The following RIC1 variants were observed in gnomAD, a reference collection of about 807,000 sequenced individuals.
The protein encoded by RIC1 is RIC1 partner of RAB6A GEF complex.
A neutral mutation model predicts 169.0 loss-of-function variants in RIC1; 88 were observed. The ratio of observed to expected loss-of-function variants is 0.52; its 90% CI spans 0.44 to 0.62. RIC1 has a LOEUF of 0.62. Ranked by LOEUF, RIC1 falls within the 20% of genes least tolerant of loss-of-function variation. The pLI is 0.00. For missense variants in RIC1, 1,877 were observed against 1,725.5 expected (o/e 1.09, Z -1.56); for synonymous variants, 790 against 601.5 (o/e 1.31, Z -4.59).
At position 5,629,177 on chromosome 9, in the gene RIC1, G is replaced by A. The variant is rs964788300; in HGVS notation, c.-133G>A. The stretch of plus-strand genomic sequence containing the variant: ...GCGTCGGCCCGGCCCGGCCAGGCCA[G>A]CGGGCAGATGCCCCGAGCTGCCGCC... On this transcript the variant is annotated 5_prime_UTR_variant, in exon 1 of 26. Transcript: ENST00000414202. The A allele has an allele frequency of 5.7e-6, 5 of 884,584 alleles. No homozygotes were observed. In the African/African-American group the frequency reaches 7.1e-5, roughly 13 times the overall value. 54.8% of individuals were successfully genotyped at this position (884,584 alleles called of 1,614,324 possible). A position where few individuals can be genotyped will look rare whatever the true frequency, so the allele number is the denominator to read the frequency against.
At chr9:5,733,773 T>C (rs939603065) in intron 7 of RIC1, among the ~76,000 whole-genome samples, 16 of 151,888 alleles carry the variant, frequency 1.1e-4, no homozygotes, top group African/African-American at 3.6e-4. Context: ...GATTCAGTCA[T>C]ATTTTGTTTA....
At chr9:5,695,031 A>G (rs1440621084) in intron 3 of RIC1, among the ~76,000 whole-genome samples, 2 of 152,232 alleles carry the variant, frequency 1.3e-5, no homozygotes, top group African/African-American at 4.8e-5. Context: ...AGTAAAATAC[A>G]TTATGAGTTA....
At chr9:5,716,886 G>C (rs1343308991) in intron 4 of RIC1, among the ~76,000 whole-genome samples, 1 of 152,066 alleles carries the variant, frequency 6.6e-6, no homozygotes, top group African/African-American at 2.4e-5. Context: ...CTGCTCAGTT[G>C]GTCTCGAGCT....
chr9:5,720,283 T>A lies in RIC1; in HGVS notation c.542T>A (p.Leu181His). ...ACAAATGGAAGGAAAGCCATTAATC[T>A]TTGCACAGTACCCTTTTCAGTAGAC... Reference protein sequence around the residue: ...GMTNGRKAINLCTVPFSVDLQ... With the variant: ...GMTNGRKAINHCTVPFSVDLQ... The change falls in exon 5 of 26, where the codon CTT becomes CAT. Residue 181 changes from leucine to histidine, a missense_variant. Coordinates refer to ENST00000414202, the MANE Select transcript of RIC1 (RefSeq NM_020829.4). The A allele has an allele frequency of 6.2e-7, 1 of 1,613,858 alleles. No individual in the cohort carries two copies.
chr9:5,665,255 A>T (rs1299964009), intron 2 of RIC1, among the ~76,000 whole-genome samples: 2 of 152,022 alleles, frequency 1.3e-5, no homozygotes, highest in African/African-American at 4.8e-5. Flanking sequence ...TATCTCTCAC[A>T]TTGTCAGTGG....
chr9:5,722,272 T>TG (rs1259942292), intron 6 of RIC1, among the ~76,000 whole-genome samples: 1 of 151,092 alleles, frequency 6.6e-6, no homozygotes, highest in Non-Finnish European at 1.5e-5. Context: ...TTTTTTTTTT[T>TG]TTTACCCCGA....
intron 4 of RIC1, among the ~76,000 whole-genome samples, chr9:5,717,311 T>A (rs1011457447): frequency 6.6e-6 from 1 of 152,144 alleles, no homozygotes; most frequent in Non-Finnish European, 1.5e-5. Flanking sequence ...TTGTATACAG[T>A]GATTTTCTAG....
chr9:5,768,950 T>C lies in RIC1; in HGVS notation c.3138-20T>C, dbSNP rs1407309108. 2.8e-5 allele frequency: 45 copies of C among 1,588,548 alleles called. No homozygotes were observed. The highest frequency in any genetic ancestry group is 3.8e-5 in the Non-Finnish European group (44 of 1,169,380). The stretch of plus-strand genomic sequence containing the variant: ...TCCAGTAAAGATTATTCTGTAGCTT[T>C]CTTGTGTTTCCACTTACAGATGGAG... On this transcript the variant is annotated intron_variant, in intron 21 of 25. Transcript: ENST00000414202.
chr9:5,641,214 C>T (rs1818223921), intron 1 of RIC1, among the ~76,000 whole-genome samples: 1 of 151,806 alleles, frequency 6.6e-6, no homozygotes, highest in Non-Finnish European at 1.5e-5. Context: ...GCCTCAGCCT[C>T]CTGAGTACCT....
intron 5 of RIC1, 49 bp downstream of exon 5, chr9:5,720,373 G>A: frequency 1.3e-6 from 2 of 1,531,086 alleles, no homozygotes; most frequent in Non-Finnish European, 1.8e-6. Context: ...AATGTTTGAT[G>A]TCTAGTTAGG....
Position 5,756,262 on chromosome 9 carries a change from C to T in RIC1, c.1743C>T (p.Val581=). 6 of 1,604,046 alleles carry T rather than the reference C, an allele frequency of 3.7e-6. No homozygotes were observed. The highest frequency in any genetic ancestry group is 5.1e-6 in the Non-Finnish European group (6 of 1,173,864). ...TSNLDNAFAH[V]TKAQAETLLL... ...ATCTGGACAATGCCTTTGCTCATGT[C>T]ACCAAAGCACAAGCAGAAACATTAC... The change falls in exon 16 of 26, where the codon GTC becomes GTT. Residue 581 remains valine (V), a synonymous_variant. Coordinates refer to ENST00000414202, the MANE Select transcript of RIC1 (RefSeq NM_020829.4).
intron 8 of RIC1, among the ~76,000 whole-genome samples, chr9:5,742,627 A>G (rs1825146122): frequency 6.6e-6 from 1 of 152,170 alleles, no homozygotes; most frequent in Admixed American, 6.5e-5. Context: ...AATAGTGACT[A>G]GAAACAGCTT....
chr9:5,725,467 G>C (rs1320555040), intron 6 of RIC1, among the ~76,000 whole-genome samples: 3 of 151,986 alleles, frequency 2.0e-5, no homozygotes, highest in Non-Finnish European at 2.9e-5. Flanking sequence ...CATTAGTCTT[G>C]CTAGTGGTCT....
chr9:5,762,432 C>G (rs1294382724), intron 17 of RIC1, 109 bp from the exon 18 acceptor site: 9 of 1,353,168 alleles, frequency 6.7e-6, no homozygotes, highest in Non-Finnish European at 9.2e-6. Flanking sequence ...AGTACAACCT[C>G]AATAAATAAT....
At chr9:5,660,236 T>A (rs1157507212) in intron 2 of RIC1, among the ~76,000 whole-genome samples, 2 of 152,232 alleles carry the variant, frequency 1.3e-5, no homozygotes, top group Non-Finnish European at 2.9e-5. Context: ...GTACCACATT[T>A]CTTTTATTCA....
At chr9:5,778,032 G>A (rs950274968), downstream of RIC1, among the ~76,000 whole-genome samples, 1 of 152,122 alleles carries the variant, frequency 6.6e-6, no homozygotes, top group Non-Finnish European at 1.5e-5. Context: ...TTGTATTCAT[G>A]ACATAAAGCA....
chr9:5,686,535 C>G lies in RIC1; in HGVS notation c.253-3424C>G, dbSNP rs553164991. 2.0e-5 allele frequency among the ~76,000 whole-genome samples: 3 copies of G among 150,018 alleles called. No individual in the cohort carries two copies. In the East Asian group the frequency reaches 5.9e-4, roughly 30 times the overall value. On this transcript the variant is annotated intron_variant, in intron 2 of 25. Coordinates refer to ENST00000414202, the MANE Select transcript of RIC1 (RefSeq NM_020829.4). The stretch of plus-strand genomic sequence containing the variant: ...AGTAAACTATCACAAGAACAAAAAA[C>G]CAAACACCGCATATTCTCACTCATA...
At chr9:5,751,766 A>G (rs1481371673) in intron 12 of RIC1, among the ~76,000 whole-genome samples, 1 of 152,238 alleles carries the variant, frequency 6.6e-6, no homozygotes, top group Non-Finnish European at 1.5e-5. Context: ...CTTGATAATA[A>G]GTGAAGTATA....
intron 1 of RIC1, 37 bp from the exon 2 acceptor site, chr9:5,656,546 T>C (rs1563873727): frequency 1.9e-6 from 2 of 1,050,164 alleles, no homozygotes; most frequent in African/African-American, 3.3e-5. Context: ...GAGATATTGA[T>C]AAAAAATACA....
Sources: allele counts gnomAD v4.1 joint callset (sites outside exome capture counted in the v4.1 genomes callset), GRCh38; gene constraint gnomAD v4.1.1; transcripts MANE v1.5; gene names NCBI Gene and HGNC (gene_info 2026-07-23, HGNC 2026-07-21).